The following MMP26 variants were observed in gnomAD, a reference collection of about 807,000 sequenced individuals.
MMP26 encodes matrix metallopeptidase 26, also known as matrix metalloproteinase-26.
MMP26 carries 33 observed loss-of-function variants against 31.0 expected under a neutral mutation model. That is an observed-to-expected ratio of 1.06 (90% CI 0.81 to 1.42). The LOEUF is 1.42. Among genes scored for constraint, MMP26 ranks in the 40% most tolerant of loss-of-function variants. The pLI is 0.00. For missense variants in MMP26, 347 were observed against 316.1 expected, an observed-to-expected ratio of 1.10 and a Z score of -0.74; for synonymous variants, 122 against 114.9, an observed-to-expected ratio of 1.06 and a Z score of -0.40.
chr11:4,808,974 G>A (rs989031458), intron 2 of MMP26, among the ~76,000 whole-genome samples: 1 of 151,422 alleles, frequency 6.6e-6, no homozygotes, highest in Non-Finnish European at 1.5e-5. Context: ...ATGCTTCAAG[G>A]CATGTGGAGT....
intron 2 of MMP26, among the ~76,000 whole-genome samples, chr11:4,852,577 G>T (rs1366272424): frequency 3.3e-5 from 5 of 152,122 alleles, no homozygotes; most frequent in Non-Finnish European, 7.4e-5. Context: ...ACAAGTGTTG[G>T]TGAGAATGTG....
At chr11:4,942,232 A>T (rs1846221305) in intron 2 of MMP26, among the ~76,000 whole-genome samples, 1 of 151,938 alleles carries the variant, frequency 6.6e-6, no homozygotes, top group African/African-American at 2.4e-5. Context: ...AGTGAGTCTT[A>T]CATTAAAAAA....
chr11:4,959,054 C>T (rs771192071), intron 2 of MMP26, among the ~76,000 whole-genome samples: 13 of 151,670 alleles, frequency 8.6e-5, no homozygotes, highest in Non-Finnish European at 1.8e-4. Flanking sequence ...CTGGCTAACA[C>T]GGTGAAACCC....
chr11:4,917,763 T>C (rs1851120005), intron 2 of MMP26, among the ~76,000 whole-genome samples: 1 of 152,048 alleles, frequency 6.6e-6, no homozygotes, highest in African/African-American at 2.4e-5. Flanking sequence ...TAGAATCAGG[T>C]TTTATTGTTT....
At chr11:4,957,571 CT>C (rs1309507297) in intron 2 of MMP26, among the ~76,000 whole-genome samples, 3 of 152,096 alleles carry the variant, frequency 2.0e-5, no homozygotes, top group African/African-American at 7.2e-5. Context: ...GAAATACAGC[CT>C]GAAAATGAGG....
intron 1 of MMP26, among the ~76,000 whole-genome samples, chr11:4,757,685 C>G (rs1341146899): frequency 1.3e-5 from 2 of 150,536 alleles, no homozygotes; most frequent in East Asian, 3.9e-4. Flanking sequence ...ACTAACAAGC[C>G]CACGAAAGTT....
intron 2 of MMP26, among the ~76,000 whole-genome samples, chr11:4,921,916 G>A (rs1851190648): frequency 6.6e-6 from 1 of 152,146 alleles, no homozygotes; most frequent in South Asian, 2.1e-4. Flanking sequence ...TTGCATAGTG[G>A]TGAAGTCTGG....
At chr11:4,924,177 C>T (rs1851233035) in intron 2 of MMP26, 12 of 1,614,144 alleles carry the variant, frequency 7.4e-6, no homozygotes, top group Non-Finnish European at 1.0e-5. Flanking sequence ...TGGAGAGTGG[C>T]ATCAGTACAA....
chr11:4,791,396 G>T (rs751458908), intron 2 of MMP26, among the ~76,000 whole-genome samples: 7 of 152,134 alleles, frequency 4.6e-5, no homozygotes, highest in Non-Finnish European at 1.0e-4. Flanking sequence ...TCATTTAAGA[G>T]AGTTTTACTA....
intron 1 of MMP26, chr11:4,709,959 C>T (rs1475978402): frequency 4.4e-6 from 2 of 456,858 alleles, no homozygotes; most frequent in Non-Finnish European, 8.8e-6. Context: ...CGTCTGTAAC[C>T]CACTGAGATA....
intron 2 of MMP26, among the ~76,000 whole-genome samples, chr11:4,826,171 C>T (rs537272109): frequency 5.3e-5 from 8 of 152,108 alleles, no homozygotes; most frequent in East Asian, 3.9e-4. Context: ...AAAGGCCTTC[C>T]GTAAGAAGGT....
rs544331900 is a variant in MMP26 at position 4,897,184 on chromosome 11, G to A, written c.-144-90884G>A. 1.6e-4 allele frequency among the ~76,000 whole-genome samples: 25 copies of A among 151,800 alleles called. No individual in the cohort carries two copies. The South Asian group carries it at 3.7e-3, about 23-fold the overall frequency. ...TGGATGGAGTCTCACTCTGTCGCCC[G>A]GCTGGAGTGCAGCGGCAGGATCTCG... On this transcript the variant is annotated intron_variant, in intron 2 of 7. Coordinates refer to ENST00000380390, the MANE Select transcript of MMP26 (RefSeq NM_021801.5).
rs545571699 is a variant in MMP26 at position 4,857,249 on chromosome 11, A to T, written c.-145+89908A>T. ...GAGCAGAATTGAAGGAGATAGAGAC[A>T]CAAAAAAACCCTTAAAAAAAAATCA... On this transcript the variant is annotated intron_variant, in intron 2 of 7. Coordinates refer to ENST00000380390, the MANE Select transcript of MMP26 (RefSeq NM_021801.5). Among the ~76,000 whole-genome samples, 6 of 106,580 alleles carry T rather than the reference A, an allele frequency of 5.6e-5. No individual in the cohort carries two copies. The East Asian group carries it at 1.2e-3, about 21-fold the overall frequency. The allele number at this position is 106,580 out of a possible 152,430, so 69.9% of individuals were successfully genotyped here. A position where few individuals can be genotyped will look rare whatever the true frequency, so the allele number is the denominator to read the frequency against.
intron 2 of MMP26, among the ~76,000 whole-genome samples, chr11:4,782,463 A>C (rs1447143809): frequency 6.6e-6 from 1 of 152,198 alleles, no homozygotes; most frequent in Non-Finnish European, 1.5e-5. Flanking sequence ...ATTCAAGAGG[A>C]GACTTGGGTG....
At chr11:4,762,546 T>G (rs1481965106) in intron 1 of MMP26, among the ~76,000 whole-genome samples, 1 of 152,174 alleles carries the variant, frequency 6.6e-6, no homozygotes. Context: ...GCCTATAGAT[T>G]ACTTATTGGG....
intron 2 of MMP26, chr11:4,943,486 GT>G: frequency 2.2e-6 from 1 of 455,838 alleles, no homozygotes; most frequent in South Asian, 1.6e-5. Context: ...TTAGACTAAG[GT>G]TTTTTTAATG....
intron 1 of MMP26, among the ~76,000 whole-genome samples, chr11:4,741,140 C>T (rs1245611355): frequency 6.6e-6 from 1 of 152,144 alleles, no homozygotes; most frequent in African/African-American, 2.4e-5. Context: ...TATGGCTAGC[C>T]AGTTTTCCCA....
intron 2 of MMP26, among the ~76,000 whole-genome samples, chr11:4,795,834 G>C (rs972752659): frequency 1.4e-5 from 2 of 139,956 alleles, no homozygotes; most frequent in Admixed American, 7.1e-5. Flanking sequence ...GAGAGAAAGA[G>C]AGAGAGAGGG....
At position 4,908,264 on chromosome 11, in the gene MMP26, T is replaced by C. The variant is rs1316416600; in HGVS notation, c.-144-79804T>C. ...GTACTGTGTAAAGACTCGACAAATC[T>C]GGGAGAAGATCTTGGGGAAGTTGCT... On this transcript the variant is annotated intron_variant, in intron 2 of 7. Coordinates refer to ENST00000380390, the MANE Select transcript of MMP26 (RefSeq NM_021801.5). 7 of 1,614,118 alleles carry C rather than the reference T, an allele frequency of 4.3e-6. No individual in the cohort carries two copies. The South Asian group carries it at 7.7e-5, about 18-fold the overall frequency.
Sources: allele counts gnomAD v4.1 joint callset (sites outside exome capture counted in the v4.1 genomes callset), GRCh38; gene constraint gnomAD v4.1.1; transcripts MANE v1.5; gene names NCBI Gene and HGNC (gene_info 2026-07-23, HGNC 2026-07-21).